Variants in SNX7 observed in about 807,000 individuals in gnomAD.
SNX7 encodes the protein sorting nexin 7, also known as sorting nexin-7.
In SNX7, 35 loss-of-function variants were observed where a neutral mutation model predicts 48.4. That is an observed-to-expected ratio of 0.72 (90% CI 0.55 to 0.96). SNX7 has a LOEUF of 0.96. SNX7 is among the 40% of genes least tolerant of loss of function. The pLI, the probability that SNX7 is intolerant of heterozygous loss-of-function variation, is 0.00. For synonymous variants in SNX7, 190 were observed against 190.2 expected, an observed-to-expected ratio of 1.00 and a Z score of 0.01; for missense variants, 553 against 548.9, an observed-to-expected ratio of 1.01 and a Z score of -0.07.
At chr1:98,748,971 G>T (rs1288807014) in intron 8 of SNX7, among the ~76,000 whole-genome samples, 1 of 152,188 alleles carries the variant, frequency 6.6e-6, no homozygotes, top group East Asian at 1.9e-4. Context: ...AGAGGTAAAT[G>T]TGCTTATCTG....
chr1:98,733,940 A>C (rs1653646352), intron 7 of SNX7, among the ~76,000 whole-genome samples: 1 of 152,108 alleles, frequency 6.6e-6, no homozygotes, highest in African/African-American at 2.4e-5. Context: ...CAAAACCTTC[A>C]GTGGATTATC....
chr1:98,727,929 A>T (rs1000876144), intron 7 of SNX7, among the ~76,000 whole-genome samples: 7 of 152,122 alleles, frequency 4.6e-5, no homozygotes, highest in African/African-American at 1.7e-4. Context: ...CCTGGAAAAG[A>T]TGGGGAGAAT....
At chr1:98,676,420 T>G (rs996581520) in intron 1 of SNX7, among the ~76,000 whole-genome samples, 3 of 152,208 alleles carry the variant, frequency 2.0e-5, no homozygotes, top group Non-Finnish European at 4.4e-5. Flanking sequence ...CTTCTACTCC[T>G]TGTGTAATGC....
At position 98,704,456 on chromosome 1, in the gene SNX7, T is replaced by C. The variant is rs146788243; in HGVS notation, c.1125+2553T>C. Among the ~76,000 whole-genome samples, 555 of 152,312 alleles carry C rather than the reference T, an allele frequency of 3.6e-3. 4 individuals carry two copies. Among genetic ancestry groups the C allele is most frequent in the African/African-American group, 0.012 (516 of 41,562 alleles). On this transcript the variant is annotated intron_variant, in intron 7 of 8. Coordinates refer to ENST00000306121, the MANE Select transcript of SNX7 (RefSeq NM_015976.5). Reference sequence around the variant, plus strand: ...TATATTTTCAAATAATTAATTTGTTTATAGGCCTTCTCACTTTTAAAATCC... The same window carrying C: ...TATATTTTCAAATAATTAATTTGTTCATAGGCCTTCTCACTTTTAAAATCC...
rs550572788 is a variant in SNX7, at chr1:98,697,571, G to A, written c.839-1135G>A. Among the ~76,000 whole-genome samples the A allele has an allele frequency of 2.6e-5, 4 of 152,126 alleles. No homozygotes were observed. The South Asian group carries it at 6.2e-4, about 24-fold the overall frequency. ...AAATCCAAAAATTTTTGAATACATAGCGTATCAAACACTGAATGGTCTTTG... is the reference window on the plus strand; with the variant it reads ...AAATCCAAAAATTTTTGAATACATAACGTATCAAACACTGAATGGTCTTTG... On this transcript the variant is annotated intron_variant, in intron 5 of 8. Coordinates refer to ENST00000306121, the MANE Select transcript of SNX7 (RefSeq NM_015976.5).
chr1:98,753,667 C>A (rs1045937165), intron 8 of SNX7, among the ~76,000 whole-genome samples: 1 of 151,998 alleles, frequency 6.6e-6, no homozygotes, highest in Non-Finnish European at 1.5e-5. Flanking sequence ...GTAGGGGTAC[C>A]AGATACAAGA....
rs781015891 is a variant in SNX7 at position 98,738,308 on chromosome 1, G to A, written c.1197G>A (p.Glu399=). 2 of 1,613,572 alleles carry A rather than the reference G, an allele frequency of 1.2e-6. No homozygotes were observed. The highest frequency in any genetic ancestry group is 4.5e-5 in the East Asian group (2 of 44,778). ...ATAATGCCCTGAAAGCAGATTGGGA[G>A]AGATGGAAACAAAATATGCAAAATG... ...CANNALKADW[E]RWKQNMQNDI... Residue 399 remains glutamate (E), a synonymous_variant, in exon 8 of 9, where the codon GAG becomes GAA. Coordinates refer to ENST00000306121, the MANE Select transcript of SNX7 (RefSeq NM_015976.5).
chr1:98,662,694 C>G, intron 1 of SNX7: 1 of 1,289,214 alleles, frequency 7.8e-7, no homozygotes, highest in Admixed American at 2.3e-5. Context: ...ACCTTTCTTG[C>G]AGGGAGGTTG....
chr1:98,706,638 G>A (rs1399256329), intron 7 of SNX7, among the ~76,000 whole-genome samples: 1 of 152,168 alleles, frequency 6.6e-6, no homozygotes, highest in Non-Finnish European at 1.5e-5. Context: ...TGGGATGGAG[G>A]AAAGCCAGAG....
In SNX7 at chr1:98,684,996, A is replaced by C. The variant is rs148060882; in HGVS notation, c.292A>C (p.Ile98Leu). 56 of 1,596,322 alleles carry C rather than the reference A, an allele frequency of 3.5e-5. No homozygotes were observed. The highest frequency in any genetic ancestry group is 4.8e-5 in the Non-Finnish European group (56 of 1,170,102). The change falls in exon 2 of 9, where the codon ATC becomes CTC. Residue 98 changes from isoleucine (I) to leucine (L), a missense_variant. Ile to Leu is a conservative substitution (Grantham distance 5, BLOSUM62 2). Transcript: ENST00000306121. ...EDEPDLKDLF[I>L]TVDEPESHVT... ...TGAACCAGATTTAAAGGATCTCTTC[A>C]TCACAGTTGATGAACCTGAAAGTCA... is the stretch of plus-strand genomic sequence containing the variant.
intron 7 of SNX7, among the ~76,000 whole-genome samples, chr1:98,719,902 T>A (rs1652775643): frequency 6.7e-6 from 1 of 149,010 alleles, no homozygotes; most frequent in African/African-American, 2.4e-5. Context: ...ATATATCAAC[T>A]ATAATATATA....
At chr1:98,747,599 T>C (rs919343211) in intron 8 of SNX7, among the ~76,000 whole-genome samples, 1 of 152,172 alleles carries the variant, frequency 6.6e-6, no homozygotes, top group Non-Finnish European at 1.5e-5. Context: ...TTAAGAAGCA[T>C]TGCCTGAAGT....
intron 8 of SNX7, among the ~76,000 whole-genome samples, chr1:98,751,716 A>G (rs1305654693): frequency 6.6e-6 from 1 of 152,064 alleles, no homozygotes; most frequent in Non-Finnish European, 1.5e-5. Flanking sequence ...CCATGGTTTC[A>G]TGTAGTAGAG....
intron 6 of SNX7, 102 bp from the exon 7 acceptor site, chr1:98,701,715 G>C (rs1391397076): frequency 2.9e-6 from 2 of 691,082 alleles, no homozygotes; most frequent in East Asian, 6.0e-5. Flanking sequence ...CTGATGGCTT[G>C]GGGAAGAGAT....
intron 1 of SNX7, among the ~76,000 whole-genome samples, chr1:98,671,109 C>A (rs562013151): frequency 6.6e-6 from 1 of 152,272 alleles, no homozygotes; most frequent in African/African-American, 2.4e-5. Context: ...AACACAGATT[C>A]AATAGCTATG....
In SNX7 at chr1:98,701,887, A is replaced by G. The variant is rs1454773311; in HGVS notation, c.1109A>G (p.Lys370Arg). Reference protein sequence around the residue: ...DSKVEVLTYKKADTDLLPEEI... With the variant: ...DSKVEVLTYKRADTDLLPEEI... The stretch of plus-strand genomic sequence containing the variant: ...AAAGTTGAAGTTTTGACCTATAAAA[A>G]GGCAGATACTGATCTGGTAAGTTTT... The change falls in exon 7 of 9, where the codon AAG (lysine) becomes AGG (arginine). Residue 370 changes from lysine (K) to arginine (R), a missense_variant. Physicochemically the swap from Lys to Arg is conservative, Grantham distance 26. Coordinates refer to ENST00000306121, the MANE Select transcript of SNX7 (RefSeq NM_015976.5). 6.2e-7 allele frequency: 1 copy of G among 1,609,782 alleles called. No individual in the cohort carries two copies. Among genetic ancestry groups the G allele is most frequent in the Admixed American group, 1.7e-5 (1 of 59,502 alleles).
chr1:98,665,207 A>G (rs1247697461), intron 1 of SNX7, among the ~76,000 whole-genome samples: 1 of 152,192 alleles, frequency 6.6e-6, no homozygotes, highest in Non-Finnish European at 1.5e-5. Context: ...AGTGAGATAT[A>G]TATCATCTAG....
At chr1:98,740,729 T>C (rs188353228) in intron 8 of SNX7, among the ~76,000 whole-genome samples, 1 of 152,256 alleles carries the variant, frequency 6.6e-6, no homozygotes, top group East Asian at 1.9e-4. Context: ...CTGTGCCATA[T>C]TGCAAATTTT....
intron 1 of SNX7, among the ~76,000 whole-genome samples, chr1:98,676,975 G>A (rs1266899351): frequency 1.3e-5 from 2 of 152,008 alleles, no homozygotes; most frequent in East Asian, 1.9e-4. Context: ...GGGCTTTGTT[G>A]CAGATTTAAT....
Sources: allele counts gnomAD v4.1 joint callset (sites outside exome capture counted in the v4.1 genomes callset), GRCh38; gene constraint gnomAD v4.1.1; transcripts MANE v1.5; gene names NCBI Gene and HGNC (gene_info 2026-07-23, HGNC 2026-07-21).